The following SUGCT variants were observed in gnomAD, a reference collection of about 807,000 sequenced individuals.
SUGCT encodes the protein succinyl-CoA:glutarate-CoA transferase, also known as succinyl-CoA:glutarate CoA-transferase.
SUGCT carries 41 observed loss-of-function variants against 55.0 expected under a neutral mutation model. The observed-to-expected ratio is 0.74, with a 90% CI of 0.58 to 0.97. The LOEUF (loss-of-function observed/expected upper bound fraction) is 0.97, where lower values mean the gene tolerates loss of function less well. Among genes scored for constraint, SUGCT ranks in the 50% least tolerant of loss-of-function variants. SUGCT has a pLI of 0.00. For missense variants in SUGCT, 568 were observed against 547.8 expected (o/e 1.04, Z -0.37); for synonymous variants, 187 against 200.4 (o/e 0.93, Z 0.56).
At chr7:40,288,151 T>C (rs900336134) in intron 8 of SUGCT, among the ~76,000 whole-genome samples, 1 of 152,190 alleles carries the variant, frequency 6.6e-6, no homozygotes, top group Non-Finnish European at 1.5e-5. Context: ...AGTTTTCTTA[T>C]GATGTTTTTG....
At chr7:40,929,873 C>T in the SUGCT span, among the ~76,000 whole-genome samples, 1 of 152,130 alleles carries the variant, frequency 6.6e-6, no homozygotes, top group African/African-American at 2.4e-5. Context: ...TGTAGGTTGC[C>T]TATTCACTCT....
At chr7:40,136,040 A>G (rs1787673798) in intron 1 of SUGCT, among the ~76,000 whole-genome samples, 1 of 147,466 alleles carries the variant, frequency 6.8e-6, no homozygotes, top group African/African-American at 2.5e-5. Flanking sequence ...TCTGTCGCCC[A>G]GGCTGGAGTG....
chr7:40,994,740 G>A, the SUGCT span, among the ~76,000 whole-genome samples: 1 of 152,136 alleles, frequency 6.6e-6, no homozygotes, highest in Non-Finnish European at 1.5e-5. Flanking sequence ...TGACTGGGAG[G>A]TGATTATGGG....
At chr7:40,496,080 C>T (rs558916412) in intron 11 of SUGCT, among the ~76,000 whole-genome samples, 2 of 152,318 alleles carry the variant, frequency 1.3e-5, no homozygotes, top group South Asian at 4.1e-4. Flanking sequence ...TTTTTAAACA[C>T]TAGCACCTGG....
chr7:40,989,195 C>T, the SUGCT span, among the ~76,000 whole-genome samples: 1 of 152,160 alleles, frequency 6.6e-6, no homozygotes, highest in African/African-American at 2.4e-5. Flanking sequence ...AATTTTGCTG[C>T]ATCTATTGAC....
intron 12 of SUGCT, among the ~76,000 whole-genome samples, chr7:40,581,250 A>G (rs1425662633): frequency 2.0e-5 from 3 of 152,240 alleles, no homozygotes; most frequent in South Asian, 2.1e-4. Flanking sequence ...TAAAAACTCT[A>G]TAATTGCAGG....
intron 9 of SUGCT, among the ~76,000 whole-genome samples, chr7:40,391,686 G>T (rs1477898968): frequency 6.6e-6 from 1 of 152,122 alleles, no homozygotes; most frequent in African/African-American, 2.4e-5. Context: ...ACTGTTGGTG[G>T]GACTGTAAAC....
chr7:40,971,416 C>A, the SUGCT span, among the ~76,000 whole-genome samples: 1 of 151,954 alleles, frequency 6.6e-6, no homozygotes, highest in Non-Finnish European at 1.5e-5. Context: ...ATAGAGAGAC[C>A]AGTTCAAAGA....
At chr7:40,533,103 T>C (rs1323540781) in intron 12 of SUGCT, among the ~76,000 whole-genome samples, 1 of 152,168 alleles carries the variant, frequency 6.6e-6, no homozygotes, top group Non-Finnish European at 1.5e-5. Flanking sequence ...GTAATAGCCA[T>C]GAAATACAAG....
chr7:40,376,425 T>C (rs1784548017), intron 9 of SUGCT, among the ~76,000 whole-genome samples: 1 of 151,902 alleles, frequency 6.6e-6, no homozygotes, highest in Non-Finnish European at 1.5e-5. Context: ...AGTCTTGCTC[T>C]GTCACCCAGG....
intron 13 of SUGCT, among the ~76,000 whole-genome samples, chr7:40,764,447 C>T (rs1051453536): frequency 2.6e-5 from 4 of 151,938 alleles, no homozygotes; most frequent in Non-Finnish European, 5.9e-5. Context: ...AATTCAGTTC[C>T]ATAGCAGGAT....
intron 7 of SUGCT, among the ~76,000 whole-genome samples, chr7:40,242,883 A>G (rs1789500090): frequency 7.8e-6 from 1 of 128,106 alleles, no homozygotes; most frequent in Non-Finnish European, 1.6e-5. Context: ...GAGTAAATGA[A>G]TATCTGGTAC....
At chr7:40,386,684 TC>T (rs537821306) in intron 9 of SUGCT, among the ~76,000 whole-genome samples, 2 of 152,110 alleles carry the variant, frequency 1.3e-5, no homozygotes, top group Admixed American at 6.6e-5. Context: ...CATACTTTTA[TC>T]CCCCCGGCAG....
chr7:40,584,162 A>G (rs1367274301), intron 12 of SUGCT, among the ~76,000 whole-genome samples: 2 of 152,142 alleles, frequency 1.3e-5, no homozygotes, highest in Non-Finnish European at 1.5e-5. Context: ...CTTCTCATTG[A>G]TGTGGGTGTG....
At chr7:40,764,534 A>G (rs570259381) in intron 13 of SUGCT, among the ~76,000 whole-genome samples, 1 of 152,242 alleles carries the variant, frequency 6.6e-6, no homozygotes, top group African/African-American at 2.4e-5. Context: ...AAAAATATAA[A>G]TGGTATATTA....
chr7:40,248,764 A>T (rs953039359), intron 7 of SUGCT, among the ~76,000 whole-genome samples: 13 of 152,132 alleles, frequency 8.5e-5, no homozygotes, highest in African/African-American at 3.1e-4. Context: ...TTTGTATTTT[A>T]TAAGAGTGAA....
the SUGCT span, among the ~76,000 whole-genome samples, chr7:40,895,932 A>T: frequency 2.6e-5 from 4 of 152,206 alleles, no homozygotes; most frequent in Non-Finnish European, 5.9e-5. Flanking sequence ...TTCCCCTAGG[A>T]TTGGAATTGA....
chr7:40,287,705 C>T (rs975856783), intron 8 of SUGCT, among the ~76,000 whole-genome samples: 2 of 151,960 alleles, frequency 1.3e-5, no homozygotes, highest in East Asian at 3.9e-4. Context: ...CAGTATGTTG[C>T]CCATGCTGGT....
intron 9 of SUGCT, among the ~76,000 whole-genome samples, chr7:40,357,347 G>A (rs1797926472): frequency 1.3e-5 from 2 of 152,116 alleles, no homozygotes; most frequent in African/African-American, 2.4e-5. Flanking sequence ...ATCTTCCAAT[G>A]TATGCCAACA....
Sources: gnomAD v4.1 joint callset for allele counts (sites outside exome capture counted in the v4.1 genomes callset) on GRCh38, gnomAD v4.1.1 for gene constraint, MANE v1.5 for transcripts, NCBI Gene and HGNC (gene_info 2026-07-23, HGNC 2026-07-21) for gene names.